CAST: variants seen among roughly 807,000 people sequenced by gnomAD.
CAST encodes calpastatin, also known as MIR583 host.
A neutral mutation model predicts 119.6 loss-of-function variants in CAST; 76 were observed. That is an observed-to-expected ratio of 0.64 (90% CI 0.53 to 0.77). The LOEUF is 0.77. Among genes scored for constraint, CAST ranks in the 30% least tolerant of loss-of-function variants. The pLI, the probability that CAST is intolerant of heterozygous loss-of-function variation, is 0.00. For synonymous variants in CAST, 319 were observed against 331.6 expected, an observed-to-expected ratio of 0.96 and a Z score of 0.41; for missense variants, 953 against 946.5, an observed-to-expected ratio of 1.01 and a Z score of -0.09.
chr5:96,174,418 C>G, the CAST span, among the ~76,000 whole-genome samples: 2 of 152,230 alleles, frequency 1.3e-5, no homozygotes, highest in African/African-American at 2.4e-5. Flanking sequence ...CTGGGCGCTG[C>G]AATCATTCTT....
At chr5:96,594,232 C>T (rs1462890630) in intron 1 of CAST, among the ~76,000 whole-genome samples, 2 of 152,200 alleles carry the variant, frequency 1.3e-5, no homozygotes, top group African/African-American at 4.8e-5. Context: ...CTTATTACTT[C>T]CCTATATTAG....
chr5:96,492,297 G>T, the CAST span, among the ~76,000 whole-genome samples: 2 of 152,232 alleles, frequency 1.3e-5, no homozygotes, highest in African/African-American at 4.8e-5. Context: ...AAAATTAAGA[G>T]ATCCGTGGAA....
At chr5:96,155,676 AG>A in the CAST span, among the ~76,000 whole-genome samples, 1 of 152,130 alleles carries the variant, frequency 6.6e-6, no homozygotes, top group East Asian at 1.9e-4. Context: ...ACCCACTCCT[AG>A]GCAGCTCTAC....
the CAST span, among the ~76,000 whole-genome samples, chr5:96,094,424 CTT>C: frequency 5.5e-5 from 8 of 144,290 alleles, no homozygotes; most frequent in African/African-American, 1.8e-4. Flanking sequence ...GTAGGGTGAC[CTT>C]TTTTTTTTTT....
the CAST span, among the ~76,000 whole-genome samples, chr5:96,231,458 G>T: frequency 7.4e-4 from 112 of 152,128 alleles, no homozygotes; most frequent in African/African-American, 2.6e-3. Context: ...AAAATAATGC[G>T]CTTAACCAGG....
the CAST span, among the ~76,000 whole-genome samples, chr5:96,281,079 T>C: frequency 6.6e-6 from 1 of 152,360 alleles, no homozygotes; most frequent in South Asian, 2.1e-4. Flanking sequence ...AATCTGGAGA[T>C]ATCAAGATAC....
chr5:96,505,310 A>G, the CAST span, among the ~76,000 whole-genome samples: 2 of 152,154 alleles, frequency 1.3e-5, no homozygotes, highest in African/African-American at 2.4e-5. Flanking sequence ...TAGAATCATG[A>G]GCAATAAAAG....
At chr5:96,518,271 C>G in the CAST span, among the ~76,000 whole-genome samples, 1 of 152,232 alleles carries the variant, frequency 6.6e-6, no homozygotes. Context: ...ATACCCTTCC[C>G]TCTTCCTCCT....
the CAST span, among the ~76,000 whole-genome samples, chr5:96,438,879 T>C: frequency 6.6e-6 from 1 of 152,206 alleles, no homozygotes; most frequent in East Asian, 1.9e-4. Flanking sequence ...AATTTTACTT[T>C]CATAGACATT....
the CAST span, among the ~76,000 whole-genome samples, chr5:96,195,899 AT>A: frequency 6.6e-6 from 1 of 152,170 alleles, no homozygotes; most frequent in African/African-American, 2.4e-5. Context: ...TTGAAAGATC[AT>A]TTTTATTGGG....
intron 15 of CAST, 121 bp downstream of exon 15, chr5:96,741,701 T>C (rs1419613005): frequency 4.6e-6 from 3 of 657,538 alleles, no homozygotes; most frequent in African/African-American, 1.8e-5. Flanking sequence ...CTCAGGTCTA[T>C]GTGGAATAGT....
the CAST span, chr5:96,391,223 C>T: frequency 1.3e-5 from 2 of 152,202 alleles, no homozygotes; most frequent in African/African-American, 4.8e-5. Context: ...ACCCTCTACA[C>T]AAATTCAAAT....
At chr5:96,297,859 A>G in the CAST span, among the ~76,000 whole-genome samples, 1 of 152,192 alleles carries the variant, frequency 6.6e-6, no homozygotes. Context: ...GGAGCACTAT[A>G]TGCAGAACAA....
the CAST span, among the ~76,000 whole-genome samples, chr5:96,400,809 T>C: frequency 1.3e-5 from 2 of 151,982 alleles, no homozygotes; most frequent in Non-Finnish European, 2.9e-5. Context: ...CAATCCAGGC[T>C]GGGCGCGGTG....
At chr5:96,302,324 A>G in the CAST span, among the ~76,000 whole-genome samples, 1 of 152,146 alleles carries the variant, frequency 6.6e-6, no homozygotes, top group Non-Finnish European at 1.5e-5. Context: ...GGTCTATAAT[A>G]GGAGGGGCTG....
chr5:96,191,819 C>T, the CAST span, among the ~76,000 whole-genome samples: 5 of 152,218 alleles, frequency 3.3e-5, no homozygotes, highest in Non-Finnish European at 7.3e-5. Context: ...GTGCCCACCT[C>T]GGCCTCCCAA....
the CAST span, among the ~76,000 whole-genome samples, chr5:96,479,114 C>G: frequency 6.6e-6 from 1 of 152,176 alleles, no homozygotes; most frequent in Non-Finnish European, 1.5e-5. Flanking sequence ...TCCCAGTCAT[C>G]CAGGAATAGA....
At chr5:96,245,780 G>A in the CAST span, among the ~76,000 whole-genome samples, 3 of 152,164 alleles carry the variant, frequency 2.0e-5, no homozygotes, top group Non-Finnish European at 4.4e-5. Context: ...ATGTGAGATT[G>A]TATTTGGAAA....
the CAST span, chr5:96,393,032 G>A: frequency 1.2e-6 from 2 of 1,614,004 alleles, no homozygotes; most frequent in African/African-American, 2.7e-5. Context: ...GTCCACCAGA[G>A]CTTGAAGCAG....
Sources: allele counts gnomAD v4.1 joint callset (sites outside exome capture counted in the v4.1 genomes callset), GRCh38; gene constraint gnomAD v4.1.1; transcripts MANE v1.5; gene names NCBI Gene and HGNC (gene_info 2026-07-23, HGNC 2026-07-21).